The following LMBR1 variants were observed in gnomAD, a reference collection of about 807,000 sequenced individuals.
LMBR1 encodes the protein limb development membrane protein 1, also known as limb region 1 protein homolog.
LMBR1 carries 52 observed loss-of-function variants against 73.9 expected under a neutral mutation model. The ratio of observed to expected loss-of-function variants is 0.70; its 90% CI spans 0.56 to 0.89. The LOEUF (loss-of-function observed/expected upper bound fraction) is 0.89. Among genes scored for constraint, LMBR1 ranks in the 40% least tolerant of loss-of-function variants. The pLI is 0.00. For missense variants in LMBR1, 539 were observed against 579.8 expected (o/e 0.93, Z 0.72); for synonymous variants, 215 against 209.4 (o/e 1.03, Z -0.23).
chr7:156,673,670 G>GTTT (rs1195843362), downstream of LMBR1, among the ~76,000 whole-genome samples: 1 of 152,130 alleles, frequency 6.6e-6, no homozygotes, highest in Non-Finnish European at 1.5e-5. Context: ...TGCCTGCTGT[G>GTTT]TTCACAGAAT....
intron 9 of LMBR1, among the ~76,000 whole-genome samples, chr7:156,740,895 TA>T (rs1818761995): frequency 6.6e-6 from 1 of 152,222 alleles, no homozygotes; most frequent in African/African-American, 2.4e-5. Flanking sequence ...ACTCTTATCG[TA>T]AGTAGAAAGA....
chr7:156,802,275 G>A (rs950064181), intron 4 of LMBR1, among the ~76,000 whole-genome samples: 2 of 152,190 alleles, frequency 1.3e-5, no homozygotes, highest in African/African-American at 2.4e-5. Context: ...GGGCCACCAC[G>A]CCTGGCCCCT....
In LMBR1 at chr7:156,671,848, T is replaced by TA. The variant is rs199932217; in HGVS notation, n.867-2562dup. On this transcript the variant is annotated intron_variant and non_coding_transcript_variant, in intron 4 of 4. Transcript: ENST00000430825. ...GCTGAGGCTAGAAATAAATTTTTTT[T>TA]AAAAAAATAGAACTATCTCACGTTT... 1.7e-3 allele frequency among the ~76,000 whole-genome samples: 256 copies of TA among 151,860 alleles called. 1 individual carries two copies. The highest frequency in any genetic ancestry group is 0.01 in the East Asian group (52 of 5,170).
chr7:156,728,698 T>C lies in LMBR1; in HGVS notation c.861A>G (p.Ala287=), dbSNP rs554543358. 11 of 1,602,738 alleles carry C rather than the reference T, an allele frequency of 6.9e-6. No individual in the cohort carries two copies. The Admixed American group carries it at 1.2e-4, about 18-fold the overall frequency. The change falls in exon 11 of 17, where the codon GCA becomes GCG. Residue 287 remains alanine (A), a synonymous_variant. Transcript: ENST00000353442. ...TKLERRKKAS[A]WERNLVYPAV... ...CGGGATACACCAAATTTCTTTCCCA[T>C]GCTGAAGCCTTTTTTCGCCTCTCTA... is the stretch of plus-strand genomic sequence containing the variant.
intron 15 of LMBR1, 84 bp from the exon 16 acceptor site, chr7:156,688,275 G>C (rs1467147164): frequency 2.3e-6 from 2 of 886,642 alleles, no homozygotes. Context: ...AAGTTAGATC[G>C]AATTCTATGG....
chr7:156,717,910 C>G (rs1361004488), intron 15 of LMBR1, among the ~76,000 whole-genome samples: 1 of 152,090 alleles, frequency 6.6e-6, no homozygotes, highest in Non-Finnish European at 1.5e-5. Flanking sequence ...AGCTGTAAAC[C>G]AAAGACATTT....
intron 4 of LMBR1, among the ~76,000 whole-genome samples, chr7:156,796,986 T>A (rs1830154317): frequency 6.6e-6 from 1 of 152,182 alleles, no homozygotes; most frequent in Admixed American, 6.5e-5. Flanking sequence ...CCGAACTCAT[T>A]TACTTGCCAC....
chr7:156,798,742 T>C (rs1830449322), intron 4 of LMBR1, among the ~76,000 whole-genome samples: 1 of 152,186 alleles, frequency 6.6e-6, no homozygotes, highest in Admixed American at 6.5e-5. Flanking sequence ...GTTGTTAATC[T>C]ATTGCTTTAT....
At chr7:156,854,967 A>C (rs1796739113) in intron 1 of LMBR1, among the ~76,000 whole-genome samples, 1 of 152,164 alleles carries the variant, frequency 6.6e-6, no homozygotes, top group South Asian at 2.1e-4. Flanking sequence ...ATAAACATAA[A>C]ATCTAACAGT....
chr7:156,830,767 C>T (rs1836541662), intron 3 of LMBR1, among the ~76,000 whole-genome samples: 1 of 152,180 alleles, frequency 6.6e-6, no homozygotes, highest in Non-Finnish European at 1.5e-5. Context: ...ACCTATGGAG[C>T]TTTTGTTAAA....
intron 1 of LMBR1, among the ~76,000 whole-genome samples, chr7:156,868,094 G>T (rs554358768): frequency 6.6e-6 from 1 of 151,784 alleles, no homozygotes; most frequent in African/African-American, 2.4e-5. Context: ...GCAATTCTGT[G>T]CACCTTAAGT....
At chr7:156,853,217 C>T (rs1450222079) in intron 1 of LMBR1, among the ~76,000 whole-genome samples, 2 of 152,062 alleles carry the variant, frequency 1.3e-5, no homozygotes, top group Admixed American at 1.3e-4. Context: ...GAATTACAGG[C>T]GTGAGCCACC....
At chr7:156,861,607 C>T (rs963157633) in intron 1 of LMBR1, among the ~76,000 whole-genome samples, 13 of 152,166 alleles carry the variant, frequency 8.5e-5, no homozygotes, top group African/African-American at 2.9e-4. Context: ...TGTCAGGCTG[C>T]GAATTTTCCA....
chr7:156,726,033 T>A (rs1815680403), intron 12 of LMBR1, 196 bp from the exon 13 acceptor site: 1 of 433,158 alleles, frequency 2.3e-6, no homozygotes, highest in African/African-American at 2.0e-5. Flanking sequence ...ATGTTAACAA[T>A]TTTAATAAGC....
chr7:156,833,417 C>G (rs1236116546), intron 3 of LMBR1: 3 of 250,078 alleles, frequency 1.2e-5, no homozygotes, highest in Non-Finnish European at 2.3e-5. Flanking sequence ...GAGGAGATGT[C>G]CGCTGCTCGG....
chr7:156,718,261 A>G (rs867400721), intron 15 of LMBR1, among the ~76,000 whole-genome samples: 3 of 151,730 alleles, frequency 2.0e-5, no homozygotes, highest in Admixed American at 1.3e-4. Flanking sequence ...TTAGCTGGGC[A>G]TGGTGGCAGG....
chr7:156,796,293 C>A, intron 5 of LMBR1, 96 bp downstream of exon 5: 1 of 742,266 alleles, frequency 1.3e-6, no homozygotes, highest in Non-Finnish European at 2.2e-6. Context: ...TTTTTATATT[C>A]CATTTAAATA....
intron 15 of LMBR1, among the ~76,000 whole-genome samples, chr7:156,711,319 A>T (rs1812046854): frequency 6.6e-6 from 1 of 152,170 alleles, no homozygotes; most frequent in Non-Finnish European, 1.5e-5. Context: ...TCAAACAAAC[A>T]AACTACAAAA....
chr7:156,849,613 C>T lies in LMBR1; in HGVS notation c.67-12728G>A, dbSNP rs113161117. On this transcript the variant is annotated intron_variant, in intron 1 of 16. Transcript: ENST00000353442. ...CATTTGTATGATTCCAACTATATTC[C>T]GGAAAAGGCAAAACAAAACTGTGGA... 9.1e-4 allele frequency among the ~76,000 whole-genome samples: 139 copies of T among 152,148 alleles called. 1 individual carries two copies. Among genetic ancestry groups the T allele is most frequent in the Middle Eastern group, 3.4e-3 (1 of 294 alleles).
Sources: gnomAD v4.1 joint callset for allele counts (sites outside exome capture counted in the v4.1 genomes callset) on GRCh38, gnomAD v4.1.1 for gene constraint, MANE v1.5 for transcripts, NCBI Gene and HGNC (gene_info 2026-07-23, HGNC 2026-07-21) for gene names.